The following SLC4A4 variants were observed in gnomAD, a reference collection of about 807,000 sequenced individuals.
SLC4A4 encodes electrogenic sodium bicarbonate cotransporter 1.
A neutral mutation model predicts 111.5 loss-of-function variants in SLC4A4; 27 were observed. The observed-to-expected ratio is 0.24, with a 90% CI of 0.18 to 0.33. The LOEUF is 0.33. Among genes scored for constraint, SLC4A4 ranks in the 10% least tolerant of loss-of-function variants. The pLI, the probability that SLC4A4 is intolerant of heterozygous loss-of-function variation, is 1.00. For synonymous variants in SLC4A4, 443 were observed against 463.4 expected, an observed-to-expected ratio of 0.96 and a Z score of 0.57; for missense variants, 909 against 1,315.5, an observed-to-expected ratio of 0.69 and a Z score of 4.78.
At chr4:71,463,899 C>A (rs891253782) in intron 12 of SLC4A4, among the ~76,000 whole-genome samples, 1 of 152,116 alleles carries the variant, frequency 6.6e-6, no homozygotes, top group African/African-American at 2.4e-5. Context: ...ATGCAAAAAT[C>A]TCTTCTTTTG....
chr4:71,382,955 C>T (rs78939397), intron 6 of SLC4A4, among the ~76,000 whole-genome samples: 4 of 152,286 alleles, frequency 2.6e-5, no homozygotes, highest in African/African-American at 4.8e-5. Flanking sequence ...TTGCTTTTCT[C>T]TTTACCTTGG....
chr4:71,309,805 A>G (rs899511203), intron 3 of SLC4A4, among the ~76,000 whole-genome samples: 12 of 152,026 alleles, frequency 7.9e-5, no homozygotes, highest in African/African-American at 2.7e-4. Context: ...CTTTCCAGCA[A>G]GGGCACAAAA....
chr4:71,168,738 T>G (rs970874817), intron 2 of SLC4A4, among the ~76,000 whole-genome samples: 2 of 152,146 alleles, frequency 1.3e-5, no homozygotes, highest in Admixed American at 1.3e-4. Flanking sequence ...CTCATTTCAC[T>G]TCACATAATG....
chr4:71,296,443 C>A (rs1406427468), intron 3 of SLC4A4, among the ~76,000 whole-genome samples: 1 of 152,120 alleles, frequency 6.6e-6, no homozygotes. Context: ...TAATGGCTGG[C>A]AGCATTTCTA....
At chr4:71,538,700 C>A (rs574518963) in intron 18 of SLC4A4, among the ~76,000 whole-genome samples, 1 of 152,022 alleles carries the variant, frequency 6.6e-6, no homozygotes, top group Admixed American at 6.6e-5. Context: ...CTTTGGCTTC[C>A]GGTCAAGTGG....
Position 71,255,419 on chromosome 4 carries a change from T to C in SLC4A4, c.253+20T>C, listed in dbSNP as rs1229933318. 3.7e-6 allele frequency: 6 copies of C among 1,612,762 alleles called. No individual in the cohort carries two copies. The highest frequency in any genetic ancestry group is 1.7e-4 in the Middle Eastern group (1 of 5,928). The stretch of plus-strand genomic sequence containing the variant: ...CTCTCAGTGAGTACTCTCTGAGCGT[T>C]GGTGCCTCTCTCTGCCTCACTCCCA... On this transcript the variant is annotated intron_variant, in intron 3 of 25. Coordinates refer to ENST00000264485, the MANE Select transcript of SLC4A4 (RefSeq NM_001098484.3).
At chr4:71,198,666 A>T (rs1746117459) in intron 1 of SLC4A4, among the ~76,000 whole-genome samples, 1 of 152,176 alleles carries the variant, frequency 6.6e-6, no homozygotes, top group Non-Finnish European at 1.5e-5. Flanking sequence ...TAGGAGCACC[A>T]CATATAAGAG....
intron 1 of SLC4A4, among the ~76,000 whole-genome samples, chr4:71,217,430 G>A (rs1316797773): frequency 6.6e-6 from 1 of 152,138 alleles, no homozygotes; most frequent in African/African-American, 2.4e-5. Context: ...GGGTGTGGTG[G>A]TGTGTGCCTG....
chr4:71,268,251 G>T (rs1413336376), intron 3 of SLC4A4, among the ~76,000 whole-genome samples: 2 of 152,028 alleles, frequency 1.3e-5, no homozygotes, highest in African/African-American at 4.8e-5. Context: ...AATTTTAGAA[G>T]TATAGAAGGT....
At chr4:71,156,566 GCGCGCA>G (rs1414050463) in intron 2 of SLC4A4, among the ~76,000 whole-genome samples, 441 of 12,152 alleles carry the variant, frequency 0.036, 3 homozygotes, top group African/African-American at 0.048. Context: ...ATAAGTGTGT[GCGCGCA>G]TGCGCGCGCG....
chr4:71,093,340 G>T (rs1364440331), intron 2 of SLC4A4, among the ~76,000 whole-genome samples: 2 of 151,614 alleles, frequency 1.3e-5, no homozygotes, highest in Non-Finnish European at 1.5e-5. Flanking sequence ...GCTAATTTTT[G>T]TATTTTCAGT....
At chr4:71,125,382 G>A (rs1743533013) in intron 2 of SLC4A4, among the ~76,000 whole-genome samples, 1 of 152,172 alleles carries the variant, frequency 6.6e-6, no homozygotes, top group Admixed American at 6.5e-5. Flanking sequence ...AGGCCAGCCT[G>A]GCCAACATGG....
Position 71,443,329 on chromosome 4 carries a change from T to G in SLC4A4, c.965+2556T>G, listed in dbSNP as rs79739778. 3.1e-3 allele frequency among the ~76,000 whole-genome samples: 470 copies of G among 151,476 alleles called. 16 individuals carry two copies. In the East Asian group the frequency reaches 0.078, roughly 25 times the overall value. ...CCACACCCAGCTAATTCTTGTATTT[T>G]TGTAGAGACGGGGTTTCACCATGTT... On this transcript the variant is annotated intron_variant, in intron 8 of 25. Coordinates refer to ENST00000264485, the MANE Select transcript of SLC4A4 (RefSeq NM_001098484.3).
intron 3 of SLC4A4, among the ~76,000 whole-genome samples, chr4:71,290,196 C>T (rs1724229504): frequency 6.6e-6 from 1 of 152,086 alleles, no homozygotes; most frequent in Admixed American, 6.6e-5. Context: ...CAAGTCTTGG[C>T]CATCGACTTT....
At chr4:71,234,428 GTCTTT>G (rs1453065560) in intron 1 of SLC4A4, among the ~76,000 whole-genome samples, 1 of 152,154 alleles carries the variant, frequency 6.6e-6, no homozygotes, top group African/African-American at 2.4e-5. Flanking sequence ...GACTTCTTAA[GTCTTT>G]TCTTTTTTTT....
intron 3 of SLC4A4, among the ~76,000 whole-genome samples, chr4:71,258,803 T>C (rs1721641943): frequency 1.3e-5 from 2 of 152,224 alleles, no homozygotes; most frequent in Non-Finnish European, 2.9e-5. Flanking sequence ...ATTTTGTCTA[T>C]CGCCAAAGTG....
At chr4:71,193,294 G>A (rs1745825557) in intron 1 of SLC4A4, among the ~76,000 whole-genome samples, 1 of 152,112 alleles carries the variant, frequency 6.6e-6, no homozygotes, top group Non-Finnish European at 1.5e-5. Flanking sequence ...CGAGTAGCTG[G>A]GACTACAGGT....
At chr4:71,548,207 C>G (rs1735694089) in intron 20 of SLC4A4, among the ~76,000 whole-genome samples, 1 of 151,750 alleles carries the variant, frequency 6.6e-6, no homozygotes, top group Non-Finnish European at 1.5e-5. Context: ...TACTTTGTTT[C>G]TATTTTATTT....
intron 14 of SLC4A4, among the ~76,000 whole-genome samples, chr4:71,480,725 GA>G (rs1286090634): frequency 1.3e-5 from 2 of 151,626 alleles, no homozygotes; most frequent in Non-Finnish European, 3.0e-5. Context: ...CATTATCATG[GA>G]AAATAGTCTT....
Sources: gnomAD v4.1 joint callset for allele counts (sites outside exome capture counted in the v4.1 genomes callset) on GRCh38, gnomAD v4.1.1 for gene constraint, MANE v1.5 for transcripts, NCBI Gene and HGNC (gene_info 2026-07-23, HGNC 2026-07-21) for gene names.